MTMR1: variants seen among roughly 807,000 people sequenced by gnomAD.
MTMR1 encodes myotubularin related protein 1.
A neutral mutation model predicts 51.6 loss-of-function variants in MTMR1; 17 were observed. That is an observed-to-expected ratio of 0.33 (90% CI 0.23 to 0.49). MTMR1 has a LOEUF of 0.49. Ranked by LOEUF, MTMR1 falls within the 20% of genes least tolerant of loss-of-function variation. The pLI is 0.99. For missense variants in MTMR1, 386 were observed against 526.9 expected (o/e 0.73, Z 2.62); for synonymous variants, 201 against 205.6 (o/e 0.98, Z 0.19).
At chrX:150,735,405 T>C (rs2042236907) in intron 10 of MTMR1, 8 of 482,607 alleles carry the variant, frequency 1.7e-5, no homozygotes, top group Non-Finnish European at 1.8e-5. Flanking sequence ...GATATTTGCA[T>C]GTATTTTCAT....
At chrX:150,700,052 T>C (rs1252001455) in intron 2 of MTMR1, among the ~76,000 whole-genome samples, 2 of 112,508 alleles carry the variant, frequency 1.8e-5, no homozygotes, top group African/African-American at 6.5e-5. Context: ...TCAGTACTGA[T>C]GTTTGCCTAA....
chrX:150,699,735 G>A (rs1257645566), intron 2 of MTMR1, among the ~76,000 whole-genome samples: 1 of 112,053 alleles, frequency 8.9e-6, no homozygotes, highest in Non-Finnish European at 1.9e-5. Context: ...TCTCAAAAGA[G>A]TATTGTATGG....
intron 3 of MTMR1, 105 bp from the exon 4 acceptor site, chrX:150,718,520 C>T: frequency 2.0e-6 from 2 of 987,079 alleles, no homozygotes; most frequent in Non-Finnish European, 2.6e-6. Context: ...CTTATAGTGA[C>T]ATCACAGAAC....
At chrX:150,726,353 G>A (rs782702483) in intron 4 of MTMR1, among the ~76,000 whole-genome samples, 1 of 111,690 alleles carries the variant, frequency 9.0e-6, no homozygotes, top group African/African-American at 3.3e-5. Context: ...GTGCCGAAAA[G>A]GTTGGGGACC....
chrX:150,715,748 T>G (rs781934489), intron 3 of MTMR1, among the ~76,000 whole-genome samples: 1 of 112,874 alleles, frequency 8.9e-6, no homozygotes, highest in Non-Finnish European at 1.9e-5. Flanking sequence ...CTGAAGCAAT[T>G]GGGTCACTTC....
intron 2 of MTMR1, among the ~76,000 whole-genome samples, chrX:150,708,831 C>G (rs1557416135): frequency 9.0e-6 from 1 of 111,480 alleles, no homozygotes; most frequent in Non-Finnish European, 1.9e-5. Context: ...TCGACATCTC[C>G]CATTTAGAGA....
At chrX:150,693,873 G>A (rs1193012779) in intron 1 of MTMR1, among the ~76,000 whole-genome samples, 197 bp downstream of exon 1, 2 of 105,991 alleles carry the variant, frequency 1.9e-5, no homozygotes, top group African/African-American at 3.4e-5. Context: ...TGCTGCCCTC[G>A]GACCTGCTGC....
intron 15 of MTMR1, among the ~76,000 whole-genome samples, chrX:150,758,765 C>G (rs2148677778): frequency 9.4e-6 from 1 of 106,365 alleles, no homozygotes; most frequent in East Asian, 2.9e-4. Flanking sequence ...CACTGCATTC[C>G]AGCCTGGGCG....
intron 2 of MTMR1, among the ~76,000 whole-genome samples, chrX:150,710,142 T>A (rs1557416176): frequency 9.0e-6 from 1 of 111,092 alleles, no homozygotes; most frequent in African/African-American, 3.3e-5. Context: ...GGGGTCAAAA[T>A]AGGTTTAGGG....
intron 13 of MTMR1, among the ~76,000 whole-genome samples, chrX:150,747,314 G>C (rs942946177): frequency 2.7e-5 from 3 of 110,074 alleles, no homozygotes; most frequent in Non-Finnish European, 3.8e-5. Flanking sequence ...AATTAGCCAG[G>C]CATGGTGGTG....
At chrX:150,702,539 C>T (rs2040953509) in intron 2 of MTMR1, among the ~76,000 whole-genome samples, 1 of 111,302 alleles carries the variant, frequency 9.0e-6, no homozygotes, top group African/African-American at 3.3e-5. Context: ...GTCAGTCAGC[C>T]CAGGGTCAGC....
chrX:150,737,990 CT>C (rs1417432094), intron 12 of MTMR1, among the ~76,000 whole-genome samples: 3 of 111,225 alleles, frequency 2.7e-5, no homozygotes, highest in African/African-American at 9.9e-5. Flanking sequence ...TTGCTTGAAC[CT>C]GGGAGGCAGA....
chrX:150,695,271 C>T (rs951785628), intron 1 of MTMR1, among the ~76,000 whole-genome samples: 6 of 111,989 alleles, frequency 5.4e-5, no homozygotes, highest in Non-Finnish European at 1.1e-4. Context: ...CCTCAGAGGC[C>T]ATGGGGAGCC....
intron 12 of MTMR1, among the ~76,000 whole-genome samples, chrX:150,739,233 C>T (rs1017577579): frequency 8.9e-6 from 1 of 112,812 alleles, no homozygotes; most frequent in African/African-American, 3.2e-5. Flanking sequence ...ATGTGCCTTC[C>T]CCTCTCTTGC....
chrX:150,735,006 T>C (rs1368623857), intron 10 of MTMR1, among the ~76,000 whole-genome samples: 3 of 112,069 alleles, frequency 2.7e-5, no homozygotes, highest in Non-Finnish European at 5.6e-5. Flanking sequence ...CTAGTGTCCG[T>C]ATAAGAAAGC....
rs781839790 is a variant in MTMR1, at chrX:150,727,276, G to A, written c.414G>A (p.Thr138=). The change falls in exon 5 of 16, where the codon ACG becomes ACA. Residue 138 remains threonine (T), a synonymous_variant. Transcript: ENST00000445323. ...CAGTGAGTGGAACCCTGACAGTGAC[G>A]GACTTTAAGCTGTACTTCAAAAATG... The part of the protein sequence containing the change: ...MGAVSGTLTV[T]DFKLYFKNVE... 6 of 1,207,001 alleles carry A rather than the reference G, an allele frequency of 5.0e-6. No individual in the cohort carries two copies. Among genetic ancestry groups the A allele is most frequent in the Admixed American group, 4.4e-5 (2 of 45,637 alleles).
chrX:150,702,808 G>T (rs1281364842), intron 2 of MTMR1, among the ~76,000 whole-genome samples: 6 of 111,671 alleles, frequency 5.4e-5, no homozygotes, highest in African/African-American at 2.0e-4. Context: ...TTGTTGAGGT[G>T]GTATGTGAAA....
At chrX:150,759,503 A>C (rs1375124738) in intron 15 of MTMR1, among the ~76,000 whole-genome samples, 1 of 100,185 alleles carries the variant, frequency 1.0e-5, no homozygotes, top group African/African-American at 3.3e-5. Context: ...TTACTGCAGG[A>C]GACCCCCGTA....
At chrX:150,751,688 G>A (rs1165403209) in intron 14 of MTMR1, among the ~76,000 whole-genome samples, 11 of 110,201 alleles carry the variant, frequency 1.0e-4, no homozygotes, top group Admixed American at 2.9e-4. Flanking sequence ...CTCTTGTTCC[G>A]TCTTTCTAAG....
Sources: gnomAD v4.1 joint callset for allele counts (sites outside exome capture counted in the v4.1 genomes callset) on GRCh38, gnomAD v4.1.1 for gene constraint, MANE v1.5 for transcripts, NCBI Gene and HGNC (gene_info 2026-07-23, HGNC 2026-07-21) for gene names.